Variants in FREM3 observed in about 807,000 individuals in gnomAD.
FREM3 encodes FRAS1-related extracellular matrix protein 3.
Under a neutral mutation model 129.1 loss-of-function variants are expected in FREM3, and 105 were observed. That is an observed-to-expected ratio of 0.81 (90% CI 0.69 to 0.96). FREM3 has a LOEUF of 0.96. FREM3 is among the 40% of genes least tolerant of loss of function. The pLI is 0.00. For synonymous variants in FREM3, 1,014 were observed against 1,044.9 expected (o/e 0.97, Z 0.57); for missense variants, 2,593 against 2,666.3 (o/e 0.97, Z 0.61).
rs1029785667 is a variant in FREM3, at chr4:143,619,682, G to T, written c.5779+1355C>A. Among the ~76,000 whole-genome samples the T allele has an allele frequency of 2.6e-5, 4 of 152,320 alleles. No individual in the cohort carries two copies. In the East Asian group the frequency reaches 7.7e-4, roughly 29 times the overall value. On this transcript the variant is annotated intron_variant, in intron 5 of 7. Transcript: ENST00000329798. ...GCAGTGGAAAGCAGACTCATGCTTT[G>T]TATGTTACTAATAATTCACAAATAC...
At chr4:143,606,850 A>C (rs959856621) in intron 6 of FREM3, among the ~76,000 whole-genome samples, 43 of 152,144 alleles carry the variant, frequency 2.8e-4, no homozygotes, top group African/African-American at 1.0e-3. Context: ...AACTTAGGTA[A>C]TACTATATTG....
intron 2 of FREM3, among the ~76,000 whole-genome samples, chr4:143,648,652 C>T (rs1406513187): frequency 6.6e-6 from 1 of 152,218 alleles, no homozygotes; most frequent in Non-Finnish European, 1.5e-5. Context: ...GACGTGTTTG[C>T]TTCCCATTCT....
intron 2 of FREM3, among the ~76,000 whole-genome samples, chr4:143,659,319 A>G (rs1007556542): frequency 8.1e-5 from 12 of 147,818 alleles, no homozygotes; most frequent in Admixed American, 3.4e-4. Flanking sequence ...TTCAATTCCC[A>G]CCTGTGAGTG....
chr4:143,643,458 A>C (rs1366708602), intron 2 of FREM3, among the ~76,000 whole-genome samples: 2 of 151,918 alleles, frequency 1.3e-5, no homozygotes, highest in East Asian at 1.9e-4. Flanking sequence ...AAATATAAAC[A>C]CAACCATAGA....
intron 2 of FREM3, among the ~76,000 whole-genome samples, chr4:143,633,634 T>C (rs1739179990): frequency 1.3e-5 from 2 of 152,170 alleles, no homozygotes; most frequent in Non-Finnish European, 1.5e-5. Flanking sequence ...CTCAAGACAC[T>C]GGGTACATTA....
At chr4:143,591,059 T>G (rs1166593185) in intron 6 of FREM3, among the ~76,000 whole-genome samples, 1 of 152,124 alleles carries the variant, frequency 6.6e-6, no homozygotes, top group Admixed American at 6.5e-5. Context: ...ATGGTAGCTT[T>G]TATTTCTGTG....
chr4:143,638,079 T>G (rs1739263634), intron 2 of FREM3, among the ~76,000 whole-genome samples: 1 of 152,194 alleles, frequency 6.6e-6, no homozygotes, highest in Non-Finnish European at 1.5e-5. Context: ...TGTATAACAA[T>G]ACAAGTTTTC....
At chr4:143,677,853 G>A (rs1369842398) in intron 2 of FREM3, among the ~76,000 whole-genome samples, 2 of 152,176 alleles carry the variant, frequency 1.3e-5, no homozygotes, top group African/African-American at 4.8e-5. Context: ...TGATCTCACA[G>A]CAGTTAGAAT....
At chr4:143,608,152 T>C (rs1207315981) in intron 6 of FREM3, among the ~76,000 whole-genome samples, 1 of 152,158 alleles carries the variant, frequency 6.6e-6, no homozygotes, top group African/African-American at 2.4e-5. Context: ...ACCTGAAAAG[T>C]CCGTTTTGCC....
At chr4:143,577,981 C>T (rs1738069819) in intron 7 of FREM3, 129 bp from the exon 8 acceptor site, 1 of 1,089,064 alleles carries the variant, frequency 9.2e-7, no homozygotes, top group Non-Finnish European at 1.3e-6. Context: ...GGATCATATA[C>T]TTTGGGTTTG....
intron 6 of FREM3, among the ~76,000 whole-genome samples, chr4:143,605,261 C>T (rs1472967039): frequency 1.3e-5 from 2 of 151,956 alleles, no homozygotes; most frequent in East Asian, 1.9e-4. Context: ...TTTAAAACTA[C>T]CAAGTTTTAA....
chr4:143,688,884 A>T (rs1221238567), intron 2 of FREM3, among the ~76,000 whole-genome samples: 2 of 152,228 alleles, frequency 1.3e-5, no homozygotes, highest in Non-Finnish European at 2.9e-5. Context: ...CTCAAGATGG[A>T]TTAAGGACTT....
chr4:143,618,910 A>G lies in FREM3; in HGVS notation c.5779+2127T>C, dbSNP rs1309210007. Reference sequence around the variant, plus strand: ...AACCCTGTCTCAAAATCCTCCCCCAACCTACCAAGAAACCAACAACAAAAA... The same window carrying G: ...AACCCTGTCTCAAAATCCTCCCCCAGCCTACCAAGAAACCAACAACAAAAA... On this transcript the variant is annotated intron_variant, in intron 5 of 7. Coordinates refer to ENST00000329798, the MANE Select transcript of FREM3 (RefSeq NM_001168235.2). 4.6e-5 allele frequency among the ~76,000 whole-genome samples: 7 copies of G among 151,988 alleles called. No homozygotes were observed. In the East Asian group the frequency reaches 7.7e-4, roughly 17 times the overall value.
At chr4:143,662,098 G>T (rs542812966) in intron 2 of FREM3, among the ~76,000 whole-genome samples, 5 of 151,914 alleles carry the variant, frequency 3.3e-5, no homozygotes, top group African/African-American at 9.7e-5. Flanking sequence ...CTTCAGTTCT[G>T]CTCTGATTTT....
At chr4:143,588,599 C>T (rs56753159) in intron 6 of FREM3, among the ~76,000 whole-genome samples, 16,817 of 151,720 alleles carry the variant, frequency 0.11, 1,048 homozygotes, top group South Asian at 0.2. Context: ...CTGCATAGTA[C>T]TCCATGGTGT....
intron 5 of FREM3, among the ~76,000 whole-genome samples, chr4:143,612,506 G>C (rs1214984943): frequency 6.6e-6 from 1 of 152,194 alleles, no homozygotes; most frequent in East Asian, 1.9e-4. Context: ...TGGCAATTGT[G>C]AGTAATGCTT....
At position 143,585,683 on chromosome 4, in the gene FREM3, A is replaced by G. The variant is rs987717224; in HGVS notation, c.6178+161T>C. Among the ~76,000 whole-genome samples, 8 of 152,250 alleles carry G rather than the reference A, an allele frequency of 5.3e-5. No individual in the cohort carries two copies. Among genetic ancestry groups the G allele is most frequent in the African/African-American group, 1.2e-4 (5 of 41,466 alleles). ...TGAATAATGTACTTATTTTGTAACCAGCAGAAGTCATTATGTATACAAACC... is the reference window on the plus strand; with the variant it reads ...TGAATAATGTACTTATTTTGTAACCGGCAGAAGTCATTATGTATACAAACC... On this transcript the variant is annotated intron_variant, in intron 7 of 7. Coordinates refer to ENST00000329798, the MANE Select transcript of FREM3 (RefSeq NM_001168235.2). The surrounding 1 kb of genome is among the most constrained non-coding windows in gnomAD (Gnocchi z 4.2).
Position 143,587,292 on chromosome 4 carries a change from C to T in FREM3, c.6029-1299G>A, listed in dbSNP as rs191513549. On this transcript the variant is annotated intron_variant, in intron 6 of 7. Coordinates refer to ENST00000329798, the MANE Select transcript of FREM3 (RefSeq NM_001168235.2). ...CTTCTCTGGGAAGCCATATTTATTT[C>T]CTCAATAAATAATCATTCTTCACTC... Among the ~76,000 whole-genome samples, 751 of 152,160 alleles carry T rather than the reference C, an allele frequency of 4.9e-3. 4 individuals carry two copies. Among genetic ancestry groups the T allele is most frequent in the African/African-American group, 0.017 (715 of 41,488 alleles).
intron 2 of FREM3, among the ~76,000 whole-genome samples, chr4:143,663,680 T>A (rs1560862793): frequency 6.6e-6 from 1 of 152,174 alleles, no homozygotes. Flanking sequence ...TGCAGAGTGT[T>A]TTCCAACTTG....
Sources: gnomAD v4.1 joint callset for allele counts (sites outside exome capture counted in the v4.1 genomes callset) on GRCh38, gnomAD v4.1.1 for gene constraint, Gnocchi (gnomAD v3.1) non-coding constraint, MANE v1.5 for transcripts, NCBI Gene and HGNC (gene_info 2026-07-23, HGNC 2026-07-21) for gene names.